The following MYO3A variants were observed in gnomAD, a reference collection of about 807,000 sequenced individuals.
MYO3A encodes the protein myosin IIIA, also known as myosin-IIIa.
A neutral mutation model predicts 192.7 loss-of-function variants in MYO3A; 180 were observed. That is an observed-to-expected ratio of 0.93 (90% CI 0.83 to 1.06). MYO3A has a LOEUF of 1.06. Ranked by LOEUF, MYO3A falls within the 50% of genes least tolerant of loss-of-function variation. The probability of loss-of-function intolerance (pLI) is 0.00; values close to 1 mark genes in which losing one functional copy is unlikely to be tolerated. For missense variants in MYO3A, 1,896 were observed against 1,905.0 expected, an observed-to-expected ratio of 1.00 and a Z score of 0.09; for synonymous variants, 628 against 645.3, an observed-to-expected ratio of 0.97 and a Z score of 0.41.
chr10:26,026,979 C>T (rs1010310645), intron 10 of MYO3A, among the ~76,000 whole-genome samples: 4 of 152,154 alleles, frequency 2.6e-5, no homozygotes, highest in South Asian at 2.1e-4. Context: ...GCATTACAGG[C>T]GTGACAGGCT....
chr10:26,050,379 A>G (rs1299108915), intron 10 of MYO3A, among the ~76,000 whole-genome samples: 1 of 152,196 alleles, frequency 6.6e-6, no homozygotes, highest in Non-Finnish European at 1.5e-5. Context: ...CAACCTTCCT[A>G]GCCATTAACC....
chr10:26,171,152 A>T (rs982438619), intron 29 of MYO3A, among the ~76,000 whole-genome samples: 2 of 152,166 alleles, frequency 1.3e-5, no homozygotes, highest in African/African-American at 4.8e-5. Flanking sequence ...ACTGGGGGCA[A>T]GGAGGAGGGA....
chr10:26,142,337 T>G (rs1036831824), intron 20 of MYO3A, among the ~76,000 whole-genome samples: 1 of 152,198 alleles, frequency 6.6e-6, no homozygotes, highest in African/African-American at 2.4e-5. Context: ...AGGTCACACA[T>G]GTACTCTGTC....
intron 9 of MYO3A, 123 bp from the exon 10 acceptor site, chr10:26,026,254 G>T (rs1842535357): frequency 8.5e-7 from 1 of 1,169,600 alleles, no homozygotes; most frequent in Non-Finnish European, 1.2e-6. Context: ...TATATTTTAA[G>T]CTTGGGCTGA....
intron 23 of MYO3A, among the ~76,000 whole-genome samples, chr10:26,148,852 T>A (rs534092256): frequency 6.6e-6 from 1 of 152,328 alleles, no homozygotes; most frequent in Admixed American, 6.5e-5. Flanking sequence ...CTTGCTAAGC[T>A]CATTTATCAG....
intron 31 of MYO3A, among the ~76,000 whole-genome samples, chr10:26,178,023 C>T (rs1842416352): frequency 6.6e-6 from 1 of 152,232 alleles, no homozygotes; most frequent in Admixed American, 6.5e-5. Flanking sequence ...TGGCTGAGAG[C>T]CTCCTGCTGT....
intron 14 of MYO3A, among the ~76,000 whole-genome samples, chr10:26,087,184 A>G (rs1450866200): frequency 2.0e-5 from 3 of 152,182 alleles, no homozygotes; most frequent in Admixed American, 1.3e-4. Context: ...CACCTTTTTC[A>G]TGGGTGCAAG....
At chr10:26,138,720 G>A (rs1314468046) in intron 20 of MYO3A, among the ~76,000 whole-genome samples, 1 of 152,134 alleles carries the variant, frequency 6.6e-6, no homozygotes, top group Non-Finnish European at 1.5e-5. Flanking sequence ...TGCAGGCGAG[G>A]GCTACAGAAA....
intron 34 of MYO3A, chr10:26,203,966 CTAA>C (rs1036219422): frequency 5.3e-5 from 8 of 152,206 alleles, no homozygotes; most frequent in Non-Finnish European, 1.2e-4. Context: ...AAAGAATTTA[CTAA>C]TAACTGCCTC....
chr10:26,188,565 C>A (rs1415129886), intron 31 of MYO3A, among the ~76,000 whole-genome samples: 1 of 152,126 alleles, frequency 6.6e-6, no homozygotes, highest in South Asian at 2.1e-4. Context: ...GAATTCCTTG[C>A]CCATGTAAGG....
chr10:25,979,727 C>T (rs1181332074), intron 4 of MYO3A, among the ~76,000 whole-genome samples: 2 of 152,008 alleles, frequency 1.3e-5, no homozygotes, highest in African/African-American at 4.8e-5. Context: ...GTGTGTTTTC[C>T]CTCTAATGAG....
At chr10:26,099,330 TA>T (rs1452164661) in intron 17 of MYO3A, among the ~76,000 whole-genome samples, 1 of 152,218 alleles carries the variant, frequency 6.6e-6, no homozygotes, top group Non-Finnish European at 1.5e-5. Flanking sequence ...TGGGGTTTTC[TA>T]AATATACAGT....
intron 27 of MYO3A, among the ~76,000 whole-genome samples, chr10:26,166,848 G>A (rs1364388636): frequency 6.6e-6 from 1 of 152,148 alleles, no homozygotes; most frequent in African/African-American, 2.4e-5. Context: ...GGACATTGAT[G>A]TGTTTATATA....
intron 1 of MYO3A, among the ~76,000 whole-genome samples, chr10:25,935,150 C>T (rs1380838581): frequency 6.6e-6 from 1 of 152,130 alleles, no homozygotes; most frequent in Non-Finnish European, 1.5e-5. Flanking sequence ...ACCCCAAATG[C>T]ATCCGTAAAG....
chr10:26,093,996 T>C (rs1836858673), intron 15 of MYO3A, among the ~76,000 whole-genome samples: 1 of 152,212 alleles, frequency 6.6e-6, no homozygotes, highest in Non-Finnish European at 1.5e-5. Flanking sequence ...AATAGCATTG[T>C]TACTTTTCTC....
chr10:26,182,647 T>C (rs1032359913), intron 31 of MYO3A, among the ~76,000 whole-genome samples: 2 of 152,206 alleles, frequency 1.3e-5, no homozygotes, highest in African/African-American at 2.4e-5. Flanking sequence ...CCTCAGGCTA[T>C]GTATATAAAT....
chr10:26,212,333 G>A lies in MYO3A; in HGVS notation c.*370G>A, dbSNP rs1014459908. 6 of 387,586 alleles carry A rather than the reference G, an allele frequency of 1.5e-5. No homozygotes were observed. Among genetic ancestry groups the A allele is most frequent in the Admixed American group, 8.9e-5 (2 of 22,524 alleles). 24.0% of individuals were successfully genotyped at this position (387,586 alleles called of 1,614,324 possible). ...ATCTCGCCAACCCCTCTCTCATTTG[G>A]GGTGACTGAATTCACAGATTTTTTT... On this transcript the variant is annotated 3_prime_UTR_variant, in exon 35 of 35. Coordinates refer to ENST00000642920, the MANE Select transcript of MYO3A (RefSeq NM_017433.5).
At chr10:26,128,688 A>G in intron 20 of MYO3A, 150 bp downstream of exon 20, 1 of 797,510 alleles carries the variant, frequency 1.3e-6, no homozygotes, top group East Asian at 2.8e-5. Context: ...CATAGTAAAA[A>G]CAAACAAAAA....
At chr10:26,151,037 G>A (rs114538071) in intron 23 of MYO3A, among the ~76,000 whole-genome samples, 1,832 of 152,096 alleles carry the variant, frequency 0.012, 49 homozygotes, top group African/African-American at 0.042. Flanking sequence ...TTCAGAGAGC[G>A]TACTTTGTGT....
Sources: allele counts gnomAD v4.1 joint callset (sites outside exome capture counted in the v4.1 genomes callset), GRCh38; gene constraint gnomAD v4.1.1; transcripts MANE v1.5; gene names NCBI Gene and HGNC (gene_info 2026-07-23, HGNC 2026-07-21).